The following FYTTD1 variants were observed in gnomAD, a reference collection of about 807,000 sequenced individuals.
FYTTD1 encodes forty-two-three domain containing 1.
Under a neutral mutation model 40.9 loss-of-function variants are expected in FYTTD1, and 22 were observed. That is an observed-to-expected ratio of 0.54 (90% CI 0.38 to 0.77). The LOEUF (loss-of-function observed/expected upper bound fraction) is 0.77, where lower values mean the gene tolerates loss of function less well. Ranked by LOEUF, FYTTD1 falls within the 30% of genes least tolerant of loss-of-function variation. The pLI, the probability that FYTTD1 is intolerant of heterozygous loss-of-function variation, is 0.00. For missense variants in FYTTD1, 351 were observed against 392.2 expected, an observed-to-expected ratio of 0.90 and a Z score of 0.89; for synonymous variants, 140 against 137.9, an observed-to-expected ratio of 1.01 and a Z score of -0.10.
rs901211190 is a variant in FYTTD1, at chr3:197,784,808, G to A, written c.*2899G>A. The A allele has an allele frequency of 2.0e-5, 3 of 151,890 alleles. No homozygotes were observed. The highest frequency in any genetic ancestry group is 1.3e-4 in the Admixed American group (2 of 15,224). The allele number at this position is 151,890 out of a possible 1,614,324, so 9.4% of individuals were successfully genotyped here. A position where few individuals can be genotyped will look rare whatever the true frequency, so the allele number is the denominator to read the frequency against. ...TCTGTCTTAAAAAAACAAAAAAAAA[G>A]AATCCAGTATACTTTGCAATGCAGA... On this transcript the variant is annotated 3_prime_UTR_variant, in exon 9 of 9. Transcript: ENST00000241502.
At chr3:197,761,224 A>T (rs558586372) in intron 2 of FYTTD1, among the ~76,000 whole-genome samples, 1 of 151,670 alleles carries the variant, frequency 6.6e-6, no homozygotes, top group African/African-American at 2.4e-5. Context: ...TAGAATGTAT[A>T]TACTTGTTCT....
chr3:197,752,898 A>C (rs185769826), intron 1 of FYTTD1, among the ~76,000 whole-genome samples: 1 of 152,292 alleles, frequency 6.6e-6, no homozygotes, highest in Non-Finnish European at 1.5e-5. Flanking sequence ...CTGATTCTAG[A>C]GCCTCAAGTT....
intron 2 of FYTTD1, among the ~76,000 whole-genome samples, chr3:197,766,416 TC>T (rs1442295368): frequency 1.5e-5 from 2 of 134,428 alleles, no homozygotes; most frequent in African/African-American, 5.5e-5. Flanking sequence ...TAGGTGTGTG[TC>T]GTGTTTGAGA....
intron 2 of FYTTD1, among the ~76,000 whole-genome samples, chr3:197,768,232 T>C (rs73892105): frequency 0.038 from 5,709 of 152,204 alleles, 375 homozygotes; most frequent in African/African-American, 0.13. Flanking sequence ...AATCCTCTAG[T>C]TATTTAGAGT....
At chr3:197,752,774 A>G (rs1169347966) in intron 1 of FYTTD1, among the ~76,000 whole-genome samples, 1 of 151,926 alleles carries the variant, frequency 6.6e-6, no homozygotes, top group Non-Finnish European at 1.5e-5. Flanking sequence ...GTCTGTATAT[A>G]TGCTTTTGTT....
chr3:197,764,503 T>C (rs957194495), intron 2 of FYTTD1, among the ~76,000 whole-genome samples: 2 of 149,064 alleles, frequency 1.3e-5, no homozygotes, highest in African/African-American at 5.0e-5. Flanking sequence ...AGGTCAGGAG[T>C]TCAAGACCAG....
At chr3:197,778,235 C>A (rs1157293857) in intron 7 of FYTTD1, 103 bp from the exon 8 acceptor site, 4 of 793,718 alleles carry the variant, frequency 5.0e-6, no homozygotes, top group Non-Finnish European at 7.5e-6. Flanking sequence ...ATAAAATGGC[C>A]CTAATACATT....
At chr3:197,766,563 C>A (rs1406129613) in intron 2 of FYTTD1, among the ~76,000 whole-genome samples, 1 of 151,788 alleles carries the variant, frequency 6.6e-6, no homozygotes, top group Non-Finnish European at 1.5e-5. Flanking sequence ...CTGCCTCAGC[C>A]TCCCTATTAT....
At chr3:197,754,403 G>A (rs1729152351) in intron 1 of FYTTD1, among the ~76,000 whole-genome samples, 1 of 152,102 alleles carries the variant, frequency 6.6e-6, no homozygotes, top group African/African-American at 2.4e-5. Context: ...GAATATTTGA[G>A]TGTAATTAAG....
At chr3:197,761,155 A>G (rs768689820) in intron 2 of FYTTD1, among the ~76,000 whole-genome samples, 16 of 142,140 alleles carry the variant, frequency 1.1e-4, no homozygotes, top group East Asian at 8.9e-4. Context: ...TTGTTCTTCA[A>G]TAGTAGGATG....
At chr3:197,774,058 C>A in intron 5 of FYTTD1, 91 bp from the exon 6 acceptor site, 1 of 1,061,842 alleles carries the variant, frequency 9.4e-7, no homozygotes, top group Non-Finnish European at 1.5e-6. Context: ...TGTACACGCA[C>A]CACTGGGTTA....
chr3:197,762,625 G>A (rs1729422045), intron 2 of FYTTD1, among the ~76,000 whole-genome samples: 1 of 151,920 alleles, frequency 6.6e-6, no homozygotes, highest in Non-Finnish European at 1.5e-5. Flanking sequence ...GCTCATGCCT[G>A]TAATCCCAGC....
chr3:197,768,456 C>G lies in FYTTD1; in HGVS notation c.253C>G (p.Leu85Val), dbSNP rs1165730581. The G allele has an allele frequency of 2.5e-6, 4 of 1,610,770 alleles. No homozygotes were observed. The South Asian group carries it at 3.3e-5, about 13-fold the overall frequency. ...TCCTATAGGTTTTGGTAAGACTAGTCTGAATCGTAGAGGAAGAGTAATGCC... is the reference window on the plus strand; with the variant it reads ...TCCTATAGGTTTTGGTAAGACTAGTGTGAATCGTAGAGGAAGAGTAATGCC... ...QQNSGFGKTS[L>V]NRRGRVMPGK... The change falls in exon 3 of 9, where the codon CTG becomes GTG. Residue 85 changes from leucine to valine, a missense_variant. Transcript: ENST00000241502.
In FYTTD1 at chr3:197,749,933, G is replaced by A; in HGVS notation, c.-39G>A. 7.0e-7 allele frequency: 1 copy of A among 1,424,962 alleles called. No homozygotes were observed. The highest frequency in any genetic ancestry group is 9.5e-7 in the Non-Finnish European group (1 of 1,047,396). The allele number at this position is 1,424,962 out of a possible 1,614,324, so 88.3% of individuals were successfully genotyped here. ...GGGAGGTGGCAGGCCTGCGACTCCG[G>A]CCTTGTCCGCGCCCGCTCTCGGCGC... On this transcript the variant is annotated 5_prime_UTR_variant, in exon 1 of 9. Transcript: ENST00000241502.
At chr3:197,772,433 A>G (rs928012988) in intron 4 of FYTTD1, among the ~76,000 whole-genome samples, 2 of 152,234 alleles carry the variant, frequency 1.3e-5, no homozygotes, top group African/African-American at 4.8e-5. Flanking sequence ...AACTTCCTAT[A>G]GAAAACAAAA....
intron 2 of FYTTD1, 46 bp from the exon 3 acceptor site, chr3:197,768,393 T>C (rs1348687205): frequency 1.4e-5 from 20 of 1,440,574 alleles, no homozygotes; most frequent in Non-Finnish European, 1.7e-5. Context: ...ACCGTCCCAA[T>C]TGAATTGTTA....
chr3:197,778,275 C>G lies in FYTTD1; in HGVS notation c.732-63C>G, dbSNP rs1217614848. On this transcript the variant is annotated intron_variant, in intron 7 of 8. Coordinates refer to ENST00000241502, the MANE Select transcript of FYTTD1 (RefSeq NM_032288.7). ...CATGTGTACAAGATGTCTTAAGTAC[C>G]AAGTGAATTTATTTTTCTTTTCATT... The G allele has an allele frequency of 3.0e-6, 4 of 1,312,764 alleles. No individual in the cohort carries two copies. In the African/African-American group the frequency reaches 5.9e-5, roughly 20 times the overall value. The allele number at this position is 1,312,764 out of a possible 1,614,324, so 81.3% of individuals were successfully genotyped here. A position where few individuals can be genotyped will look rare whatever the true frequency, so the allele number is the denominator to read the frequency against.
intron 2 of FYTTD1, among the ~76,000 whole-genome samples, chr3:197,765,546 C>A (rs1445382805): frequency 1.3e-5 from 2 of 152,058 alleles, no homozygotes; most frequent in African/African-American, 4.8e-5. Flanking sequence ...ACACATAGGG[C>A]AGCAATAATT....
rs144055089 is a variant in FYTTD1 at position 197,776,931 on chromosome 3, C to T, written c.661C>T (p.Arg221Trp). Residue 221 changes from arginine to tryptophan, a missense_variant, in exon 7 of 9, where the codon CGG becomes TGG. By Grantham distance (101) the Arg-to-Trp change is moderately radical (BLOSUM62 -3). Coordinates refer to ENST00000241502, the MANE Select transcript of FYTTD1 (RefSeq NM_032288.7). Reference protein sequence around the residue: ...DVVAKRTRQWRTSTTNGGILT... With the variant: ...DVVAKRTRQWWTSTTNGGILT... ...TTTTATTTTTTTTGAAACTAGATGG[C>T]GGACTTCCACCACAAATGGAGGGAT... The T allele has an allele frequency of 2.7e-5, 43 of 1,601,408 alleles. No homozygotes were observed. The highest frequency in any genetic ancestry group is 6.6e-5 in the South Asian group (6 of 90,296).
Sources: gnomAD v4.1 joint callset for allele counts (sites outside exome capture counted in the v4.1 genomes callset) on GRCh38, gnomAD v4.1.1 for gene constraint, MANE v1.5 for transcripts, NCBI Gene and HGNC (gene_info 2026-07-23, HGNC 2026-07-21) for gene names.